ZNF462: variants seen among roughly 807,000 people sequenced by gnomAD.
ZNF462 encodes the protein zinc finger PBX1-interacting protein.
ZNF462 carries 10 observed loss-of-function variants against 201.9 expected under a neutral mutation model. The ratio of observed to expected loss-of-function variants is 0.05; its 90% CI spans 0.03 to 0.08. The LOEUF (loss-of-function observed/expected upper bound fraction) is 0.08, where lower values mean the gene tolerates loss of function less well. ZNF462 is among the 10% of genes least tolerant of loss of function. ZNF462 has a pLI of 1.00. For missense variants in ZNF462, 2,523 were observed against 3,168.3 expected (o/e 0.80, Z 4.89); for synonymous variants, 1,227 against 1,193.3 (o/e 1.03, Z -0.58).
chr9:106,863,233 A>G lies in ZNF462; in HGVS notation c.-153A>G. 2.5e-6 allele frequency: 1 copy of G among 399,282 alleles called. No homozygotes were observed. 24.7% of individuals were successfully genotyped at this position (399,282 alleles called of 1,614,324 possible). On this transcript the variant is annotated 5_prime_UTR_variant, in exon 1 of 13. It removes an upstream start codon present in the reference 5' UTR. Transcript: ENST00000277225. ...CATTGCTGAGACCCGGCAGAAGCAC[A>G]TGAGACTCCCAAACAACTTCCACAA...
intron 4 of ZNF462, among the ~76,000 whole-genome samples, chr9:106,931,609 G>C (rs1275122908): frequency 2.6e-5 from 4 of 152,196 alleles, no homozygotes; most frequent in Admixed American, 6.5e-5. Flanking sequence ...CACCACTGCG[G>C]TGTGTCCCAG....
chr9:106,890,989 C>T lies in ZNF462; in HGVS notation c.-31+27634C>T, dbSNP rs1474320850. ...TAGTCTTTTTCTTTTTTGGAAAAATCGTATGGCTAGTACAGGAAATCAAGG... is the reference window on the plus strand; with the variant it reads ...TAGTCTTTTTCTTTTTTGGAAAAATTGTATGGCTAGTACAGGAAATCAAGG... On this transcript the variant is annotated intron_variant, in intron 1 of 12. Transcript: ENST00000277225. The surrounding 1 kb of genome is among the most constrained non-coding windows in gnomAD (Gnocchi z 4.2). Among the ~76,000 whole-genome samples the T allele has an allele frequency of 3.9e-5, 6 of 151,938 alleles. No individual in the cohort carries two copies. The South Asian group carries it at 1.0e-3, about 26-fold the overall frequency.
intron 1 of ZNF462, among the ~76,000 whole-genome samples, chr9:106,898,669 G>T (rs1327695031): frequency 6.6e-6 from 1 of 152,166 alleles, no homozygotes; most frequent in Non-Finnish European, 1.5e-5. Flanking sequence ...GGTGGTGCTG[G>T]GGGAGGAGGT....
intron 1 of ZNF462, among the ~76,000 whole-genome samples, chr9:106,889,196 CAGTA>C (rs1230436967): frequency 5.3e-5 from 8 of 152,160 alleles, no homozygotes; most frequent in Admixed American, 4.6e-4. Context: ...AGGTGGAAGT[CAGTA>C]AGTATGTCCA....
At chr9:106,866,245 A>AT (rs906876518) in intron 1 of ZNF462, among the ~76,000 whole-genome samples, 4 of 152,164 alleles carry the variant, frequency 2.6e-5, no homozygotes, top group Non-Finnish European at 5.9e-5. Flanking sequence ...TATGTGTCAG[A>AT]TTTTTTTGTG....
chr9:106,918,096 C>T lies in ZNF462; in HGVS notation c.-30-5258C>T, dbSNP rs569112344. Among the ~76,000 whole-genome samples, 10 of 151,954 alleles carry T rather than the reference C, an allele frequency of 6.6e-5. No individual in the cohort carries two copies. The East Asian group carries it at 1.6e-3, about 24-fold the overall frequency. ...TTCACCATGTTGACCAGACTGGTCT[C>T]GAACTCCTGACCTCCTGATTCATCC... is the stretch of plus-strand genomic sequence containing the variant. On this transcript the variant is annotated intron_variant, in intron 1 of 12. Coordinates refer to ENST00000277225, the MANE Select transcript of ZNF462 (RefSeq NM_021224.6).
In ZNF462 at chr9:106,933,505, A is replaced by G. The variant is rs1830505794; in HGVS notation, c.6116+956A>G. On this transcript the variant is annotated intron_variant, in intron 5 of 12. Transcript: ENST00000277225. This position sits in a 1 kb window ranked among gnomAD's most constrained non-coding sequence, Gnocchi z 4.3. Reference sequence around the variant, plus strand: ...CAGCATCTATCACATTGTCTGACGCACAGTGGAACTTTAAATAATTGTGAA... The same window carrying G: ...CAGCATCTATCACATTGTCTGACGCGCAGTGGAACTTTAAATAATTGTGAA... Among the ~76,000 whole-genome samples, 1 of 152,242 alleles carries G rather than the reference A, an allele frequency of 6.6e-6. No individual in the cohort carries two copies. The highest frequency in any genetic ancestry group is 2.4e-5 in the African/African-American group (1 of 41,472).
chr9:106,975,016 T>G (rs574144680), intron 9 of ZNF462: 1 of 152,368 alleles, frequency 6.6e-6, no homozygotes, highest in East Asian at 1.9e-4. Context: ...TTCTTTGAGT[T>G]GCATTTACCC....
chr9:106,949,310 AG>A (rs1349644393), intron 7 of ZNF462, among the ~76,000 whole-genome samples: 5 of 152,190 alleles, frequency 3.3e-5, no homozygotes, highest in Admixed American at 2.6e-4. Flanking sequence ...GCCATTCAAT[AG>A]ATATTTCTTA....
At chr9:106,867,680 G>A (rs568715333) in intron 1 of ZNF462, among the ~76,000 whole-genome samples, 57 of 152,208 alleles carry the variant, frequency 3.7e-4, no homozygotes, top group African/African-American at 1.2e-3. Context: ...ACTTGTGGTC[G>A]GTTTTCCTGA....
chr9:106,897,764 C>A (rs1828871375), intron 1 of ZNF462, among the ~76,000 whole-genome samples: 1 of 152,134 alleles, frequency 6.6e-6, no homozygotes, highest in East Asian at 1.9e-4. Context: ...GCTAGACAGT[C>A]TTAAGACAAG....
intron 1 of ZNF462, among the ~76,000 whole-genome samples, chr9:106,894,152 A>G (rs905566035): frequency 6.6e-6 from 1 of 152,230 alleles, no homozygotes; most frequent in Non-Finnish European, 1.5e-5. Context: ...ACCATTGTTA[A>G]TTGATAAAGA....
intron 1 of ZNF462, among the ~76,000 whole-genome samples, chr9:106,888,078 G>A (rs1361889111): frequency 6.9e-6 from 1 of 144,012 alleles, no homozygotes; most frequent in African/African-American, 2.6e-5. Flanking sequence ...GTCTCCCTCT[G>A]TCGCTCAGGC....
rs984063158 is a variant in ZNF462 at position 106,970,025 on chromosome 9, A to G, written c.6428-1980A>G. ...AGGGCTTAAATAGAAAACATCTCAA[A>G]CAATCCATGAAATGGTAAACAAACC... On this transcript the variant is annotated intron_variant, in intron 7 of 12. Coordinates refer to ENST00000277225, the MANE Select transcript of ZNF462 (RefSeq NM_021224.6). This position sits in a 1 kb window ranked among gnomAD's most constrained non-coding sequence, Gnocchi z 4.2. Among the ~76,000 whole-genome samples the G allele has an allele frequency of 2.0e-5, 3 of 152,236 alleles. No homozygotes were observed. Among genetic ancestry groups the G allele is most frequent in the Non-Finnish European group, 4.4e-5 (3 of 68,040 alleles).
intron 10 of ZNF462, among the ~76,000 whole-genome samples, chr9:106,999,937 G>C (rs1001166119): frequency 6.6e-6 from 1 of 152,108 alleles, no homozygotes; most frequent in Non-Finnish European, 1.5e-5. Context: ...TAGTTGGACT[G>C]GGGAGGGGCA....
chr9:106,977,883 C>G lies in ZNF462; in HGVS notation c.6832+3610C>G, dbSNP rs1420331689. On this transcript the variant is annotated intron_variant, in intron 9 of 12. Coordinates refer to ENST00000277225, the MANE Select transcript of ZNF462 (RefSeq NM_021224.6). This position sits in a 1 kb window ranked among gnomAD's most constrained non-coding sequence, Gnocchi z 4.6. ...AATAGAAATGTATTCTCTCACAGTT[C>G]TGGAAGCTAGAACTCTGAAATCAAG... is the stretch of plus-strand genomic sequence containing the variant. Among the ~76,000 whole-genome samples the G allele has an allele frequency of 6.6e-6, 1 of 151,512 alleles. No individual in the cohort carries two copies. The highest frequency in any genetic ancestry group is 2.5e-5 in the African/African-American group (1 of 40,798).
At chr9:106,939,813 A>G (rs984830816) in intron 7 of ZNF462, among the ~76,000 whole-genome samples, 2 of 152,218 alleles carry the variant, frequency 1.3e-5, no homozygotes, top group Non-Finnish European at 2.9e-5. Context: ...TATTGTTTTT[A>G]TAAGACCAGG....
chr9:106,910,122 T>C (rs1829480227), intron 1 of ZNF462, among the ~76,000 whole-genome samples: 1 of 152,260 alleles, frequency 6.6e-6, no homozygotes, highest in South Asian at 2.1e-4. Context: ...CTCTTATAAC[T>C]TTAATATATT....
intron 10 of ZNF462, among the ~76,000 whole-genome samples, chr9:106,989,703 A>G (rs1053163923): frequency 1.3e-5 from 2 of 152,056 alleles, no homozygotes; most frequent in Admixed American, 6.6e-5. Context: ...TTAAATTACC[A>G]TTTCAATCTC....
Sources: allele counts gnomAD v4.1 joint callset (sites outside exome capture counted in the v4.1 genomes callset), GRCh38; gene constraint gnomAD v4.1.1; non-coding constraint Gnocchi (gnomAD v3.1); transcripts MANE v1.5; gene names NCBI Gene and HGNC (gene_info 2026-07-23, HGNC 2026-07-21).